The following TMTC4 variants were observed in gnomAD, a reference collection of about 807,000 sequenced individuals.
TMTC4 encodes protein O-mannosyl-transferase TMTC4.
Under a neutral mutation model 86.0 loss-of-function variants are expected in TMTC4, and 65 were observed. The observed-to-expected ratio is 0.76, with a 90% CI of 0.62 to 0.93. The LOEUF (loss-of-function observed/expected upper bound fraction) is 0.93. Among genes scored for constraint, TMTC4 ranks in the 40% least tolerant of loss-of-function variants. TMTC4 has a pLI of 0.00. For synonymous variants in TMTC4, 379 were observed against 382.5 expected (o/e 0.99, Z 0.11); for missense variants, 866 against 948.1 (o/e 0.91, Z 1.14).
At chr13:100,662,056 G>A in intron 5 of TMTC4, among the ~76,000 whole-genome samples, 1 of 152,100 alleles carries the variant, frequency 6.6e-6, no homozygotes, top group South Asian at 2.1e-4. Flanking sequence ...TCCCAGCACA[G>A]CCTATTCCAA....
At position 100,674,763 on chromosome 13, in the gene TMTC4, C is replaced by G; in HGVS notation, c.-227G>C. On this transcript the variant is annotated 5_prime_UTR_variant, in exon 1 of 19. Transcript: ENST00000342624. ...CGTTACCTGCAAGGAGCCTGAGCCC[C>G]GGCCGCATCTCCCTCCCGGGTGCGG... is the stretch of plus-strand genomic sequence containing the variant. 10 of 983,880 alleles carry G rather than the reference C, an allele frequency of 1.0e-5. No individual in the cohort carries two copies. Among genetic ancestry groups the G allele is most frequent in the South Asian group, 4.7e-5 (1 of 21,288 alleles). The allele number at this position is 983,880 out of a possible 1,614,324, so 60.9% of individuals were successfully genotyped here.
chr13:100,674,166 C>CCCCGGGCGCCCGGGCG lies in TMTC4; in HGVS notation c.-208+577_-208+578insCGCCCGGGCGCCCGGG, dbSNP rs536068499. Reference sequence around the variant, plus strand: ...ACGCCGGGAAGCGGCGGCTCGGTGGCCCCGGGCGCCCGGGCCGGTGGCCCC... The same window carrying CCCCGGGCGCCCGGGCG: ...ACGCCGGGAAGCGGCGGCTCGGTGGCCCCGGGCGCCCGGGCGCCCGGGCGCCCGGGCCGGTGGCCCC... On this transcript the variant is annotated intron_variant, in intron 1 of 18. Coordinates refer to ENST00000342624, the MANE Select transcript of TMTC4 (RefSeq NM_032813.5). 15 of 975,974 alleles carry CCCCGGGCGCCCGGGCG rather than the reference C, an allele frequency of 1.5e-5. No individual in the cohort carries two copies. The Admixed American group carries it at 2.5e-4, about 16-fold the overall frequency. The allele number at this position is 975,974 out of a possible 1,614,324, so 60.5% of individuals were successfully genotyped here. A position where few individuals can be genotyped will look rare whatever the true frequency, so the allele number is the denominator to read the frequency against.
Position 100,623,643 on chromosome 13 carries a change from TTG to T in TMTC4, c.1836+1890_1836+1891del, listed in dbSNP as rs1484026409. ...AGTTTTGGAAACTACTAGTTGGGTT[TTG>T]TTTTTTTTTTTTTTTTTTTTTGCAG... is the stretch of plus-strand genomic sequence containing the variant. On this transcript the variant is annotated intron_variant, in intron 15 of 18. Transcript: ENST00000342624. 1.4e-3 allele frequency among the ~76,000 whole-genome samples: 177 copies of T among 125,802 alleles called. 55 individuals are homozygous for T. The highest frequency in any genetic ancestry group is 2.2e-3 in the Non-Finnish European group (128 of 57,172). The allele number at this position is 125,802 out of a possible 152,430, so 82.5% of individuals were successfully genotyped here.
intron 8 of TMTC4, 42 bp from the exon 9 acceptor site, chr13:100,637,744 C>A (rs7985718): frequency 0.64 from 1,026,774 of 1,597,464 alleles, 334,242 homozygotes; most frequent in East Asian, 0.99. Flanking sequence ...CTGATTTTCA[C>A]ATAAAAGTGT....
rs910084945 is a variant in TMTC4 at position 100,668,465 on chromosome 13, G to C, written c.219+114C>G. 5.6e-6 allele frequency: 6 copies of C among 1,081,006 alleles called. No individual in the cohort carries two copies. In the Admixed American group the frequency reaches 1.4e-4, roughly 25 times the overall value. The allele number at this position is 1,081,006 out of a possible 1,614,324, so 67.0% of individuals were successfully genotyped here. ...GAGAAAAATCGAGAGCACCATCGGG[G>C]CCCAGGCCAATGCTTAACCTACATT... On this transcript the variant is annotated intron_variant, in intron 3 of 18. Transcript: ENST00000342624.
chr13:100,626,089 T>C lies in TMTC4; in HGVS notation c.1568A>G (p.Tyr523Cys), dbSNP rs1247027633. 1.9e-6 allele frequency: 3 copies of C among 1,614,246 alleles called. No individual in the cohort carries two copies. The highest frequency in any genetic ancestry group is 2.5e-6 in the Non-Finnish European group (3 of 1,180,052). Residue 523 changes from tyrosine (Y) to cysteine (C), a missense_variant, in exon 13 of 19, where the codon TAC becomes TGC. Tyr to Cys is a radical substitution (Grantham distance 194, BLOSUM62 -2). Transcript: ENST00000342624. ...GCCATACCTTACAGCTTCCCGGTAG[T>C]ATCTGATGGCAGCTGTCTGGTTGCC... ...DKGNQTAAIR[Y>C]YREAVRLNPK... is the part of the protein sequence containing the mutation.
At chr13:100,614,630 T>C (rs191282336) in intron 15 of TMTC4, among the ~76,000 whole-genome samples, 200 bp from the exon 16 acceptor site, 3 of 152,234 alleles carry the variant, frequency 2.0e-5, no homozygotes, top group Admixed American at 2.0e-4. Context: ...AAGTAAATAC[T>C]ATTGTTATCC....
At chr13:100,611,826 G>A (rs1594229508) in intron 17 of TMTC4, among the ~76,000 whole-genome samples, 1 of 152,158 alleles carries the variant, frequency 6.6e-6, no homozygotes, top group Admixed American at 6.5e-5. Flanking sequence ...AGTATCTTGT[G>A]GTTTTTGTTG....
chr13:100,630,365 T>C (rs1255433577), intron 12 of TMTC4, among the ~76,000 whole-genome samples: 1 of 152,154 alleles, frequency 6.6e-6, no homozygotes, highest in Non-Finnish European at 1.5e-5. Flanking sequence ...AGCAGAGAAA[T>C]TGCAGGTGAT....
At chr13:100,625,989 T>C in intron 13 of TMTC4, 82 bp downstream of exon 13, 1 of 1,595,510 alleles carries the variant, frequency 6.3e-7, no homozygotes, top group Admixed American at 1.7e-5. Context: ...AAAGTTGGGG[T>C]CTTTAAAGGA....
intron 15 of TMTC4, among the ~76,000 whole-genome samples, chr13:100,619,897 C>G (rs1358746622): frequency 6.6e-6 from 1 of 152,232 alleles, no homozygotes; most frequent in African/African-American, 2.4e-5. Context: ...ACACCTAGAA[C>G]AACCAACGTA....
intron 6 of TMTC4, among the ~76,000 whole-genome samples, chr13:100,654,307 C>T (rs770316131): frequency 2.6e-5 from 4 of 152,168 alleles, no homozygotes; most frequent in Admixed American, 1.3e-4. Context: ...CTCATAATTT[C>T]TTTCCAATTT....
rs757442715 is a variant in TMTC4 at position 100,606,375 on chromosome 13, C to T, written c.2117G>A (p.Ser706Asn). Residue 706 changes from serine (S) to asparagine (N), a missense_variant, in exon 18 of 19, where the codon AGT becomes AAT. Ser to Asn is a conservative substitution (Grantham distance 46). Transcript: ENST00000342624. ...TTTCTTACCCAAATTACCATGGTAA[C>T]TTGCAGCATTTGGATTTGCTTTAAT... ...KAIKANPNAASYHGNLAVLYH... is the reference protein window; with the variant it reads ...KAIKANPNAANYHGNLAVLYH... 19 of 1,612,910 alleles carry T rather than the reference C, an allele frequency of 1.2e-5. No individual in the cohort carries two copies. Among genetic ancestry groups the T allele is most frequent in the Non-Finnish European group, 1.4e-5 (17 of 1,179,632 alleles).
Position 100,668,570 on chromosome 13 carries a change from G to A in TMTC4, c.219+9C>T, listed in dbSNP as rs750050599. On this transcript the variant is annotated intron_variant, in intron 3 of 18. Coordinates refer to ENST00000342624, the MANE Select transcript of TMTC4 (RefSeq NM_032813.5). ...GTTAAGTTTACCAGAAAAGAGTTGA[G>A]ATACAAACCTTATTGTTAACAATAG... 2 of 1,613,016 alleles carry A rather than the reference G, an allele frequency of 1.2e-6. No individual in the cohort carries two copies. Among genetic ancestry groups the A allele is most frequent in the Non-Finnish European group, 1.7e-6 (2 of 1,179,286 alleles).
intron 4 of TMTC4, among the ~76,000 whole-genome samples, 162 bp from the exon 5 acceptor site, chr13:100,663,342 A>G (rs1886021591): frequency 6.6e-6 from 1 of 152,226 alleles, no homozygotes; most frequent in Admixed American, 6.5e-5. Flanking sequence ...ATGCCTGTCG[A>G]GCTAAGAAGG....
rs1876300739 is a variant in TMTC4, at chr13:100,604,645, G to A, written c.*349C>T. ...TCTTGGTCATAATTGAAGTTTAATA[G>A]TGCTAGTCCATACACGACAAGGCTC... On this transcript the variant is annotated 3_prime_UTR_variant, in exon 19 of 19. Coordinates refer to ENST00000342624, the MANE Select transcript of TMTC4 (RefSeq NM_032813.5). 5.7e-6 allele frequency: 1 copy of A among 175,336 alleles called. No homozygotes were observed. Among genetic ancestry groups the A allele is most frequent in the Non-Finnish European group, 1.2e-5 (1 of 83,848 alleles). The allele number at this position is 175,336 out of a possible 1,614,324, so 10.9% of individuals were successfully genotyped here.
intron 12 of TMTC4, among the ~76,000 whole-genome samples, chr13:100,627,483 G>A (rs990829565): frequency 6.6e-6 from 1 of 152,124 alleles, no homozygotes; most frequent in African/African-American, 2.4e-5. Flanking sequence ...GTCTCACGGT[G>A]CTTGCCCATA....
At chr13:100,662,245 G>C (rs1242605801) in intron 5 of TMTC4, among the ~76,000 whole-genome samples, 1 of 142,518 alleles carries the variant, frequency 7.0e-6, no homozygotes, top group Non-Finnish European at 1.5e-5. Context: ...AGGTGATCAG[G>C]GTGAGGTGGA....
Position 100,668,670 on chromosome 13 carries a change from A to G in TMTC4, c.128T>C (p.Leu43Ser). 2 of 1,614,226 alleles carry G rather than the reference A, an allele frequency of 1.2e-6. No homozygotes were observed. Among genetic ancestry groups the G allele is most frequent in the South Asian group, 1.1e-5 (1 of 91,084 alleles). The change falls in exon 3 of 19, where the codon TTA becomes TCA. Residue 43 changes from leucine to serine, a missense_variant. By Grantham distance (145) the Leu-to-Ser change is moderately radical (BLOSUM62 -2). Coordinates refer to ENST00000342624, the MANE Select transcript of TMTC4 (RefSeq NM_032813.5). ...CACAATGGCAACCGATCCCACTACT[A>G]ACTTAGCCCAGAATGGAGGAAGAAC... ...SSVLPPFWAK[L>S]VVGSVAIVCF... is the part of the protein sequence containing the mutation.
Sources: gnomAD v4.1 joint callset for allele counts (sites outside exome capture counted in the v4.1 genomes callset) on GRCh38, gnomAD v4.1.1 for gene constraint, MANE v1.5 for transcripts, NCBI Gene and HGNC (gene_info 2026-07-23, HGNC 2026-07-21) for gene names.